The following ELFN1 variants were observed in gnomAD, a reference collection of about 807,000 sequenced individuals.
ELFN1 encodes the protein extracellular leucine rich repeat and fibronectin type III domain containing 1.
Under a neutral mutation model 7.6 loss-of-function variants are expected in ELFN1, and 6 were observed. The observed-to-expected ratio is 0.79, with a 90% confidence interval of 0.43 to 1.56. The LOEUF is 1.56. Ranked by LOEUF, ELFN1 falls within the 40% of genes most tolerant of loss-of-function variation. ELFN1 has a pLI of 0.01. For synonymous variants in ELFN1, 657 were observed against 588.1 expected, an observed-to-expected ratio of 1.12 and a Z score of -1.70; for missense variants, 1,169 against 1,232.2, an observed-to-expected ratio of 0.95 and a Z score of 0.77.
intron 3 of ELFN1, among the ~76,000 whole-genome samples, chr7:1,711,162 G>A (rs138148897): frequency 9.1e-4 from 138 of 152,270 alleles, no homozygotes; most frequent in Admixed American, 3.6e-3. Context: ...TACCACATTC[G>A]TATTTCAGGA....
intron 1 of ELFN1, among the ~76,000 whole-genome samples, chr7:1,682,080 TCTTTTTGGAGCACAGACA>T (rs1778984321): frequency 6.6e-6 from 1 of 152,222 alleles, no homozygotes; most frequent in Non-Finnish European, 1.5e-5. Context: ...CTTAATGGTA[TCTTTTTGGAGCACAGACA>T]TTTTTTAACT....
At chr7:1,685,998 A>G (rs2128578257) in intron 1 of ELFN1, among the ~76,000 whole-genome samples, 1 of 148,360 alleles carries the variant, frequency 6.7e-6, no homozygotes, top group South Asian at 2.1e-4. Context: ...TATATTATAA[A>G]AAGCTTTGAA....
At chr7:1,702,521 A>G (rs1779450563) in intron 2 of ELFN1, among the ~76,000 whole-genome samples, 1 of 150,884 alleles carries the variant, frequency 6.6e-6, no homozygotes, top group South Asian at 2.1e-4. Context: ...ACATTTTAGA[A>G]TTAGTTTGTC....
At chr7:1,726,169 C>T (rs891198711) in intron 3 of ELFN1, among the ~76,000 whole-genome samples, 1 of 152,186 alleles carries the variant, frequency 6.6e-6, no homozygotes, top group African/African-American at 2.4e-5. Flanking sequence ...GGTCCGCACC[C>T]GCCACGGTCC....
rs923283030 is a variant in ELFN1 at position 1,747,599 on chromosome 7, C to G, written c.*516C>G. Reference sequence around the variant, plus strand: ...CGTGGTTTTCTGTGGATTCTCTGTCCAGTCCGTCTCTTCATTGCCGCCTCC... The same window carrying G: ...CGTGGTTTTCTGTGGATTCTCTGTCGAGTCCGTCTCTTCATTGCCGCCTCC... On this transcript the variant is annotated 3_prime_UTR_variant, in exon 4 of 4. Coordinates refer to ENST00000424383, the MANE Select transcript of ELFN1 (RefSeq NM_001128636.4). 6.0e-6 allele frequency: 1 copy of G among 165,844 alleles called. No homozygotes were observed. The highest frequency in any genetic ancestry group is 2.4e-5 in the African/African-American group (1 of 41,460). 10.3% of individuals were successfully genotyped at this position (165,844 alleles called of 1,614,324 possible).
rs1391708509 is a variant in ELFN1 at position 1,746,310 on chromosome 7, T to C, written c.1714T>C (p.Cys572Arg). Residue 572 changes from cysteine (C) to arginine (R), a missense_variant, in exon 4 of 4, where the codon TGC becomes CGC. Coordinates refer to ENST00000424383, the MANE Select transcript of ELFN1 (RefSeq NM_001128636.4). ...VDKVNQIINN[C>R]IDALKSESTS... ...CAAGGTCAACCAGATCATCAACAAC[T>C]GCATCGACGCGCTCAAGTCCGAGTC... is the stretch of plus-strand genomic sequence containing the variant. 1 of 1,583,724 alleles carries C rather than the reference T, an allele frequency of 6.3e-7. No individual in the cohort carries two copies. Among genetic ancestry groups the C allele is most frequent in the South Asian group, 1.2e-5 (1 of 86,492 alleles).
At chr7:1,729,073 C>T (rs547337575) in intron 3 of ELFN1, among the ~76,000 whole-genome samples, 44 of 152,344 alleles carry the variant, frequency 2.9e-4, no homozygotes, top group African/African-American at 9.6e-4. Flanking sequence ...TCCTGCCCCG[C>T]GGAGCTGCCA....
chr7:1,712,870 C>T (rs966181673), intron 3 of ELFN1, among the ~76,000 whole-genome samples: 1 of 152,182 alleles, frequency 6.6e-6, no homozygotes, highest in Non-Finnish European at 1.5e-5. Flanking sequence ...TCCCTGCCCA[C>T]ATTTTATCTA....
chr7:1,741,679 G>T (rs758649157), intron 3 of ELFN1, among the ~76,000 whole-genome samples: 1 of 152,124 alleles, frequency 6.6e-6, no homozygotes, highest in Non-Finnish European at 1.5e-5. Context: ...GTCAGCCACC[G>T]GTGCACACTT....
At position 1,693,346 on chromosome 7, in the gene ELFN1, G is replaced by C. The variant is rs376658727; in HGVS notation, c.-456+5196G>C. On this transcript the variant is annotated intron_variant, in intron 2 of 3. Transcript: ENST00000424383. ...CCCGATTCCAAGAGTCTGGGCAGGC[G>C]TGGGCTTGGACTGCCCAGTGTGCCT... is the stretch of plus-strand genomic sequence containing the variant. 10 of 463,006 alleles carry C rather than the reference G, an allele frequency of 2.2e-5. No homozygotes were observed. The Admixed American group carries it at 2.4e-4, about 11-fold the overall frequency. The allele number at this position is 463,006 out of a possible 1,614,324, so 28.7% of individuals were successfully genotyped here.
chr7:1,711,515 A>AGAC (rs1779649135), intron 3 of ELFN1, among the ~76,000 whole-genome samples: 1 of 150,996 alleles, frequency 6.6e-6, no homozygotes, highest in Non-Finnish European at 1.5e-5. Context: ...AAAGAGGAGG[A>AGAC]GACAGCCGGA....
intron 1 of ELFN1, among the ~76,000 whole-genome samples, chr7:1,680,343 C>G (rs951620432): frequency 5.9e-5 from 9 of 152,182 alleles, no homozygotes; most frequent in Non-Finnish European, 7.3e-5. Context: ...GAGTGGAAAC[C>G]AAGTGTGGCA....
chr7:1,689,665 T>C (rs1156461954), intron 2 of ELFN1, among the ~76,000 whole-genome samples: 1 of 152,212 alleles, frequency 6.6e-6, no homozygotes, highest in Non-Finnish European at 1.5e-5. Context: ...CCTAACAACA[T>C]TATCCATTTA....
intron 3 of ELFN1, among the ~76,000 whole-genome samples, chr7:1,711,325 C>G (rs1055865099): frequency 1.3e-5 from 2 of 151,986 alleles, no homozygotes; most frequent in Non-Finnish European, 2.9e-5. Flanking sequence ...CAGGGTGGGT[C>G]TGCTGTGCAG....
intron 3 of ELFN1, among the ~76,000 whole-genome samples, chr7:1,720,090 T>C (rs924563274): frequency 6.6e-6 from 1 of 152,188 alleles, no homozygotes; most frequent in Non-Finnish European, 1.5e-5. Flanking sequence ...AAGACTCAGC[T>C]GACAGCATTC....
chr7:1,670,168 AG>A (rs1232093794), upstream of ELFN1, among the ~76,000 whole-genome samples: 2 of 18,316 alleles, frequency 1.1e-4, no homozygotes, highest in Non-Finnish European at 2.2e-4. This position sits in a 1 kb window ranked among gnomAD's most constrained non-coding sequence, Gnocchi z 6.4. Context: ...GGAGGGAGGG[AG>A]GGAAGGGGGG....
At chr7:1,696,055 C>T (rs561802215) in intron 2 of ELFN1, among the ~76,000 whole-genome samples, 24 of 152,274 alleles carry the variant, frequency 1.6e-4, no homozygotes, top group Admixed American at 6.5e-4. Context: ...ATTGTCTCCC[C>T]GCCCTGAGAC....
rs991408472 is a variant in ELFN1, at chr7:1,740,856, A to G, written c.-293-3448A>G. 1.3e-5 allele frequency among the ~76,000 whole-genome samples: 2 copies of G among 152,178 alleles called. No homozygotes were observed. Among genetic ancestry groups the G allele is most frequent in the African/African-American group, 4.8e-5 (2 of 41,450 alleles). On this transcript the variant is annotated intron_variant, in intron 3 of 3. Coordinates refer to ENST00000424383, the MANE Select transcript of ELFN1 (RefSeq NM_001128636.4). The surrounding 1 kb of genome is among the most constrained non-coding windows in gnomAD (Gnocchi z 5.0). ...AAACTTCGGGGCCCCTTGGCTGGGCATGGTGGCTCACGCCTGTAATCCCAG... is the reference window on the plus strand; with the variant it reads ...AAACTTCGGGGCCCCTTGGCTGGGCGTGGTGGCTCACGCCTGTAATCCCAG...
At position 1,745,944 on chromosome 7, in the gene ELFN1, C is replaced by T. The variant is rs1434547434; in HGVS notation, c.1348C>T (p.His450Tyr). Residue 450 changes from histidine (H) to tyrosine (Y), a missense_variant, in exon 4 of 4, where the codon CAC becomes TAC. Physicochemically the swap from His to Tyr is moderately conservative, Grantham distance 83. Transcript: ENST00000424383. ...CAGGCGGCGGCGCCAGGAGGAGAAGCACAAGAAGGCCGCCTCGGCAGCCGC... is the reference window on the plus strand; with the variant it reads ...CAGGCGGCGGCGCCAGGAGGAGAAGTACAAGAAGGCCGCCTCGGCAGCCGC... ...LRRRRRQEEKHKKAASAAAAG... is the reference protein window; with the variant it reads ...LRRRRRQEEKYKKAASAAAAG... 2 of 1,554,702 alleles carry T rather than the reference C, an allele frequency of 1.3e-6. No homozygotes were observed. The highest frequency in any genetic ancestry group is 1.7e-4 in the Middle Eastern group (1 of 5,980).
Sources: gnomAD v4.1 joint callset for allele counts (sites outside exome capture counted in the v4.1 genomes callset) on GRCh38, gnomAD v4.1.1 for gene constraint, Gnocchi (gnomAD v3.1) non-coding constraint, MANE v1.5 for transcripts, NCBI Gene and HGNC (gene_info 2026-07-23, HGNC 2026-07-21) for gene names.